PDE4D: variants seen among roughly 807,000 people sequenced by gnomAD.
PDE4D encodes 3',5'-cyclic-AMP phosphodiesterase 4D.
PDE4D carries 24 observed loss-of-function variants against 87.4 expected under a neutral mutation model. The ratio of observed to expected loss-of-function variants is 0.27; its 90% CI spans 0.20 to 0.39. The LOEUF is 0.39. Among genes scored for constraint, PDE4D ranks in the 10% least tolerant of loss-of-function variants. PDE4D has a pLI of 1.00. For missense variants in PDE4D, 714 were observed against 1,041.0 expected (o/e 0.69, Z 4.32); for synonymous variants, 384 against 383.2 (o/e 1.00, Z -0.02).
intron 2 of PDE4D, among the ~76,000 whole-genome samples, chr5:60,063,967 T>G (rs1771770471): frequency 1.3e-5 from 2 of 152,198 alleles, no homozygotes; most frequent in African/African-American, 4.8e-5. Flanking sequence ...CCCGAGGAGA[T>G]GTGCCCATGA....
intron 1 of PDE4D, among the ~76,000 whole-genome samples, chr5:60,296,137 G>A (rs1452482304): frequency 6.6e-6 from 1 of 152,158 alleles, no homozygotes; most frequent in Non-Finnish European, 1.5e-5. Flanking sequence ...TCACCTTGGA[G>A]GTGAGGACTT....
chr5:59,616,918 C>CATATATATATAT (rs55821264), intron 1 of PDE4D, among the ~76,000 whole-genome samples: 1,469 of 62,760 alleles, frequency 0.023, 124 homozygotes, highest in African/African-American at 0.045. Context: ...CTAATAATTA[C>CATATATATATAT]ATATATATAT....
At chr5:60,407,163 A>G in intron 1 of PDE4D, among the ~76,000 whole-genome samples, 1 of 152,258 alleles carries the variant, frequency 6.6e-6, no homozygotes, top group Admixed American at 6.5e-5. Flanking sequence ...GTCGTTGAGT[A>G]CCTGAGAGTA....
chr5:60,144,139 G>A (rs1257027776), intron 2 of PDE4D, among the ~76,000 whole-genome samples: 1 of 152,148 alleles, frequency 6.6e-6, no homozygotes, highest in African/African-American at 2.4e-5. Flanking sequence ...ACCTCCAGGT[G>A]CAAAGGCCAA....
chr5:60,455,368 C>T (rs189484243), intron 1 of PDE4D, among the ~76,000 whole-genome samples: 1 of 151,846 alleles, frequency 6.6e-6, no homozygotes, highest in East Asian at 1.9e-4. Flanking sequence ...ATATAGTAGG[C>T]AATAATATAC....
At chr5:59,336,347 A>C (rs1777652792) in intron 1 of PDE4D, among the ~76,000 whole-genome samples, 1 of 152,210 alleles carries the variant, frequency 6.6e-6, no homozygotes, top group South Asian at 2.1e-4. Context: ...GTCCCCATCC[A>C]TCAGTAACCT....
chr5:60,192,891 G>C (rs1176088333), intron 1 of PDE4D, among the ~76,000 whole-genome samples: 1 of 152,176 alleles, frequency 6.6e-6, no homozygotes, highest in African/African-American at 2.4e-5. Flanking sequence ...TTACTTCAGA[G>C]GACATACAAA....
intron 1 of PDE4D, among the ~76,000 whole-genome samples, chr5:59,581,229 A>T (rs535932499): frequency 4.6e-5 from 7 of 152,284 alleles, no homozygotes; most frequent in Admixed American, 4.6e-4. Context: ...GGATTTTTTT[A>T]AAAAGGAACA....
chr5:59,841,136 C>A (rs1351171112), intron 1 of PDE4D, among the ~76,000 whole-genome samples: 1 of 151,936 alleles, frequency 6.6e-6, no homozygotes, highest in African/African-American at 2.4e-5. Context: ...TAATTCTAGC[C>A]CATGAGAAGT....
At chr5:59,559,341 CAT>C (rs1202902505) in intron 1 of PDE4D, among the ~76,000 whole-genome samples, 1 of 152,164 alleles carries the variant, frequency 6.6e-6, no homozygotes, top group African/African-American at 2.4e-5. Context: ...TCTTTCTTCA[CAT>C]GAGCCATGTT....
intron 1 of PDE4D, among the ~76,000 whole-genome samples, chr5:59,523,959 T>A (rs1180186498): frequency 6.6e-6 from 1 of 152,218 alleles, no homozygotes; most frequent in Non-Finnish European, 1.5e-5. Context: ...GTAAGTTTCC[T>A]GAAGCCTCCC....
At chr5:60,514,854 G>T (rs1750725824) in intron 1 of PDE4D, among the ~76,000 whole-genome samples, 2 of 151,968 alleles carry the variant, frequency 1.3e-5, no homozygotes, top group South Asian at 4.2e-4. Context: ...AAAGCAAGGG[G>T]GGGAAAACAA....
chr5:60,432,844 C>T (rs771857224), intron 1 of PDE4D, among the ~76,000 whole-genome samples: 10 of 152,088 alleles, frequency 6.6e-5, no homozygotes, highest in East Asian at 5.8e-4. Flanking sequence ...ACTCCCTATT[C>T]GATAAATGGT....
rs981801215 is a variant in PDE4D, at chr5:59,602,881, C to T, written c.455+290287G>A. ...CATAATAGAGAGCCAGAAATAAACC[C>T]CTACATCTACAGTGAACTTATTTTC... On this transcript the variant is annotated intron_variant, in intron 1 of 14. Transcript: ENST00000340635. Among the ~76,000 whole-genome samples, 4 of 152,004 alleles carry T rather than the reference C, an allele frequency of 2.6e-5. No homozygotes were observed. In the East Asian group the frequency reaches 7.7e-4, roughly 29 times the overall value.
chr5:59,285,369 C>A (rs1217739738), intron 1 of PDE4D, among the ~76,000 whole-genome samples: 1 of 152,034 alleles, frequency 6.6e-6, no homozygotes, highest in African/African-American at 2.4e-5. Context: ...CTTCCTGTGC[C>A]CTTTTGTGGC....
Position 59,038,930 on chromosome 5 carries a change from G to C in PDE4D, c.850C>G (p.Leu284Val). 6.2e-7 allele frequency: 1 copy of C among 1,603,386 alleles called. No individual in the cohort carries two copies. Among genetic ancestry groups the C allele is most frequent in the South Asian group, 1.1e-5 (1 of 89,038 alleles). ...QKLASETLEELDWCLDQLETL... is the reference protein window; with the variant it reads ...QKLASETLEEVDWCLDQLETL... ...TCTAGCTGGTCCAGACACCAGTCCA[G>C]CTCCTCCAGGGTCTCGCTGGCCAGT... The change falls in exon 6 of 15, where the codon CTG (leucine) becomes GTG (valine). Residue 284 changes from leucine (L) to valine (V), a missense_variant. Coordinates refer to ENST00000340635, the MANE Select transcript of PDE4D (RefSeq NM_001104631.2).
intron 7 of PDE4D, 42 bp from the exon 8 acceptor site, chr5:58,992,046 T>C: frequency 8.4e-7 from 1 of 1,196,292 alleles, no homozygotes; most frequent in South Asian, 1.8e-5. Context: ...TTATTAATTC[T>C]ATCTGTTTTA....
chr5:59,606,543 G>A (rs961082771), intron 1 of PDE4D, among the ~76,000 whole-genome samples: 2 of 152,092 alleles, frequency 1.3e-5, no homozygotes, highest in African/African-American at 2.4e-5. Flanking sequence ...AGAGTAAATG[G>A]CTGAGCTGTG....
At chr5:59,429,570 A>T (rs979823364) in intron 1 of PDE4D, among the ~76,000 whole-genome samples, 2 of 152,112 alleles carry the variant, frequency 1.3e-5, no homozygotes, top group Non-Finnish European at 2.9e-5. Context: ...AGAATTTTGG[A>T]TTTTCATTAT....
Sources: gnomAD v4.1 joint callset for allele counts (sites outside exome capture counted in the v4.1 genomes callset) on GRCh38, gnomAD v4.1.1 for gene constraint, MANE v1.5 for transcripts, NCBI Gene and HGNC (gene_info 2026-07-23, HGNC 2026-07-21) for gene names.